Variants in RYR2 observed in about 807,000 individuals in gnomAD.
RYR2 encodes ryanodine receptor 2.
In RYR2, 227 loss-of-function variants were observed where a neutral mutation model predicts 601.1. The ratio of observed to expected loss-of-function variants is 0.38; its 90% CI spans 0.34 to 0.42. The LOEUF is 0.42. Ranked by LOEUF, RYR2 falls within the 10% of genes least tolerant of loss-of-function variation. RYR2 has a pLI of 1.00. For missense variants in RYR2, 4,646 were observed against 6,156.5 expected (o/e 0.75, Z 8.21); for synonymous variants, 2,223 against 2,175.1 (o/e 1.02, Z -0.61).
rs546545700 is a variant in RYR2 at position 237,648,487 on chromosome 1, A to G, written c.7386A>G (p.Pro2462=). Residue 2462 remains proline, a synonymous_variant, in exon 49 of 105, where the codon CCA becomes CCG. Coordinates refer to ENST00000366574, the MANE Select transcript of RYR2 (RefSeq NM_001035.3). ...VEPDMSAGFC[P]DHKAAMVLFL... ...CTGACATGTCTGCGGGGTTTTGCCC[A>G]GATCACAAGGCAGCCATGGTTTTAT... is the stretch of plus-strand genomic sequence containing the variant. 33 of 1,611,020 alleles carry G rather than the reference A, an allele frequency of 2.0e-5. No homozygotes were observed. In the East Asian group the frequency reaches 6.5e-4, roughly 32 times the overall value.
intron 1 of RYR2, among the ~76,000 whole-genome samples, chr1:237,073,387 G>T (rs1005466557): frequency 6.6e-6 from 1 of 152,134 alleles, no homozygotes; most frequent in Non-Finnish European, 1.5e-5. Context: ...CACGTAGGAA[G>T]TCACTGTCCT....
Position 237,655,968 on chromosome 1 carries a change from C to T in RYR2, c.8113C>T (p.Pro2705Ser), listed in dbSNP as rs1683205763. 6.2e-7 allele frequency: 1 copy of T among 1,613,202 alleles called. No homozygotes were observed. Among genetic ancestry groups the T allele is most frequent in the Non-Finnish European group, 8.5e-7 (1 of 1,179,550 alleles). ...MDSEGNFNPQ[P>S]VDTSNITIPE... ...TTCTGAAGGGAACTTTAACCCACAACCTGTTGATACCTCAAAGTATGGACT... is the reference window on the plus strand; with the variant it reads ...TTCTGAAGGGAACTTTAACCCACAATCTGTTGATACCTCAAAGTATGGACT... The change falls in exon 53 of 105, where the codon CCT becomes TCT. Residue 2705 changes from proline to serine, a missense_variant. Physicochemically the swap from Pro to Ser is moderately conservative, Grantham distance 74 (BLOSUM62 -1). This residue lies in a region of RYR2 where 1,497 missense variants were observed against 1,842.6 expected (regional missense o/e 0.81). Transcript: ENST00000366574.
In RYR2 at chr1:237,416,757, C is replaced by CAGAG. The variant is rs10686135; in HGVS notation, c.774-291_774-290insGAGA. On this transcript the variant is annotated intron_variant, in intron 10 of 104. Coordinates refer to ENST00000366574, the MANE Select transcript of RYR2 (RefSeq NM_001035.3). ...AGGGAGGGATGGGAAGAAACACACACACACACAGAGAGAGAGAGAGAGAGA... is the reference window on the plus strand; with the variant it reads ...AGGGAGGGATGGGAAGAAACACACACAGAGACACACAGAGAGAGAGAGAGAGAGA... Among the ~76,000 whole-genome samples the CAGAG allele has an allele frequency of 3.9e-4, 47 of 121,132 alleles. 1 individual carries two copies. Among genetic ancestry groups the CAGAG allele is most frequent in the Admixed American group, 9.7e-4 (10 of 10,356 alleles). 79.5% of individuals were successfully genotyped at this position (121,132 alleles called of 152,430 possible).
intron 25 of RYR2, among the ~76,000 whole-genome samples, chr1:237,532,376 C>T (rs1041162886): frequency 1.3e-5 from 2 of 151,968 alleles, no homozygotes; most frequent in African/African-American, 2.4e-5. Flanking sequence ...TAACCAAAAA[C>T]CATAATTGTT....
intron 88 of RYR2, among the ~76,000 whole-genome samples, chr1:237,780,522 G>T (rs1382812990): frequency 6.6e-6 from 1 of 152,142 alleles, no homozygotes; most frequent in Non-Finnish European, 1.5e-5. Context: ...ATTTTTTAAA[G>T]AATAGTTTAA....
intron 20 of RYR2, among the ~76,000 whole-genome samples, chr1:237,498,381 G>A (rs536081203): frequency 6.6e-6 from 1 of 152,174 alleles, no homozygotes; most frequent in East Asian, 1.9e-4. Context: ...CAGAGAGAAA[G>A]AGCCCTAACT....
chr1:237,723,155 A>G lies in RYR2; in HGVS notation c.10582A>G (p.Met3528Val). The G allele has an allele frequency of 6.2e-7, 1 of 1,611,128 alleles. No homozygotes were observed. The change falls in exon 74 of 105, where the codon ATG (methionine) becomes GTG (valine). Residue 3528 changes from methionine (M) to valine (V), a missense_variant. Coordinates refer to ENST00000366574, the MANE Select transcript of RYR2 (RefSeq NM_001035.3). Reference sequence around the variant, plus strand: ...GGAGGATCCTGCTATTAGATGGCAAATGGCTCTTTACAAAGACTTACCAAA... The same window carrying G: ...GGAGGATCCTGCTATTAGATGGCAAGTGGCTCTTTACAAAGACTTACCAAA... ...KLEDPAIRWQMALYKDLPNRT... is the reference protein window; with the variant it reads ...KLEDPAIRWQVALYKDLPNRT...
chr1:237,200,225 C>A (rs936275473), intron 1 of RYR2, among the ~76,000 whole-genome samples: 8 of 152,200 alleles, frequency 5.3e-5, no homozygotes, highest in Admixed American at 4.6e-4. Flanking sequence ...TTATTGTTTA[C>A]CATCTGTTTG....
In RYR2 at chr1:237,733,693, T is replaced by G. The variant is rs1277978233; in HGVS notation, c.11040-12T>G. 1.2e-6 allele frequency: 2 copies of G among 1,601,686 alleles called. No homozygotes were observed. Among genetic ancestry groups the G allele is most frequent in the South Asian group, 2.2e-5 (2 of 90,770 alleles). ...TGCTTAAACACTGATGTTTTCTTCTTGCTTTCCCCAGCAAACTGGAGGAAG... is the reference window on the plus strand; with the variant it reads ...TGCTTAAACACTGATGTTTTCTTCTGGCTTTCCCCAGCAAACTGGAGGAAG... On this transcript the variant is annotated splice_polypyrimidine_tract_variant and intron_variant, in intron 78 of 104. Transcript: ENST00000366574.
At chr1:237,547,131 G>A (rs1357487251) in intron 25 of RYR2, among the ~76,000 whole-genome samples, 3 of 151,200 alleles carry the variant, frequency 2.0e-5, no homozygotes, top group Non-Finnish European at 4.4e-5. Flanking sequence ...TCAGTCTCTC[G>A]AATAGCTGGG....
At chr1:237,718,601 T>C in intron 73 of RYR2, 80 bp downstream of exon 73, 1 of 686,268 alleles carries the variant, frequency 1.5e-6, no homozygotes, top group South Asian at 2.1e-5. Flanking sequence ...CTATAAATAA[T>C]GTTACTTTAA....
chr1:237,337,553 T>C (rs1697365078), intron 3 of RYR2, among the ~76,000 whole-genome samples: 1 of 152,200 alleles, frequency 6.6e-6, no homozygotes, highest in Admixed American at 6.5e-5. Context: ...TTTCTGTGCC[T>C]CAATTTTCTC....
intron 10 of RYR2, among the ~76,000 whole-genome samples, chr1:237,391,678 A>T (rs1702395486): frequency 6.6e-6 from 1 of 152,162 alleles, no homozygotes; most frequent in Non-Finnish European, 1.5e-5. Flanking sequence ...ATCCACCTCA[A>T]TAATGGGTTT....
chr1:237,690,394 A>AT (rs1379907328), intron 63 of RYR2, among the ~76,000 whole-genome samples: 2 of 152,178 alleles, frequency 1.3e-5, no homozygotes, highest in Non-Finnish European at 2.9e-5. Context: ...CTAGAGATCA[A>AT]TTTTTTGTGA....
intron 101 of RYR2, among the ~76,000 whole-genome samples, chr1:237,827,807 T>C (rs187959388): frequency 6.6e-6 from 1 of 151,336 alleles, no homozygotes; most frequent in East Asian, 2.0e-4. Context: ...TGTGGCAGTG[T>C]GTGCCTGTAG....
At chr1:237,638,891 C>A in intron 45 of RYR2, 124 bp from the exon 46 acceptor site, 2 of 1,166,650 alleles carry the variant, frequency 1.7e-6, no homozygotes, top group South Asian at 1.5e-5. Context: ...TACATTTTGG[C>A]TTTATTAGTA....
intron 1 of RYR2, among the ~76,000 whole-genome samples, chr1:237,221,575 A>T (rs946434370): frequency 6.6e-6 from 1 of 152,240 alleles, no homozygotes; most frequent in Admixed American, 6.5e-5. Context: ...TTGTGCTAAT[A>T]ACACCTGTAT....
chr1:237,145,253 A>G (rs1331641603), intron 1 of RYR2, among the ~76,000 whole-genome samples: 2 of 152,054 alleles, frequency 1.3e-5, no homozygotes, highest in African/African-American at 2.4e-5. Flanking sequence ...AAAAAGGTGC[A>G]CTGTGGGTAG....
intron 35 of RYR2, among the ~76,000 whole-genome samples, chr1:237,607,574 TAAAAA>T (rs1033635475): frequency 6.6e-6 from 1 of 151,612 alleles, no homozygotes; most frequent in Non-Finnish European, 1.5e-5. Context: ...TAAAGTATAA[TAAAAA>T]AAAGAATAGG....
Sources: gnomAD v4.1 joint callset for allele counts (sites outside exome capture counted in the v4.1 genomes callset) on GRCh38, gnomAD v4.1.1 for gene constraint, gnomAD v4.1.1 regional missense constraint, MANE v1.5 for transcripts, NCBI Gene and HGNC (gene_info 2026-07-23, HGNC 2026-07-21) for gene names.